Variants in ATL2 observed in about 807,000 individuals in gnomAD.
The protein encoded by ATL2 is atlastin GTPase 2.
In ATL2, 31 loss-of-function variants were observed where a neutral mutation model predicts 73.9. That is an observed-to-expected ratio of 0.42 (90% CI 0.32 to 0.57). The LOEUF (loss-of-function observed/expected upper bound fraction) is 0.57. ATL2 is among the 20% of genes least tolerant of loss of function. The probability of loss-of-function intolerance (pLI) is 0.14; values close to 1 mark genes in which losing one functional copy is unlikely to be tolerated. For synonymous variants in ATL2, 291 were observed against 237.5 expected (o/e 1.23, Z -2.07); for missense variants, 738 against 702.6 (o/e 1.05, Z -0.57).
intron 2 of ATL2, among the ~76,000 whole-genome samples, chr2:38,339,971 G>A (rs984270495): frequency 2.6e-5 from 4 of 152,120 alleles, no homozygotes; most frequent in Admixed American, 1.3e-4. Context: ...GATTACAGGC[G>A]TGAGCCCCAA....
At chr2:38,372,412 A>G (rs1469371735) in intron 1 of ATL2, among the ~76,000 whole-genome samples, 2 of 152,204 alleles carry the variant, frequency 1.3e-5, no homozygotes, top group African/African-American at 4.8e-5. Flanking sequence ...GGATGCACAT[A>G]GGTTATATGC....
chr2:38,376,237 G>A (rs1162574213), intron 1 of ATL2: 2 of 1,460,064 alleles, frequency 1.4e-6, no homozygotes, highest in Non-Finnish European at 9.1e-7. Context: ...GAGATCAAAC[G>A]CTAAACTCCT....
At chr2:38,333,073 A>G (rs1157340791) in intron 2 of ATL2, among the ~76,000 whole-genome samples, 1 of 152,144 alleles carries the variant, frequency 6.6e-6, no homozygotes, top group Non-Finnish European at 1.5e-5. Flanking sequence ...ACTAAAATTT[A>G]TAAGCTGGGC....
intron 1 of ATL2, among the ~76,000 whole-genome samples, chr2:38,374,188 A>T (rs572277098): frequency 6.6e-6 from 1 of 152,302 alleles, no homozygotes; most frequent in African/African-American, 2.4e-5. Flanking sequence ...CACCGCACTC[A>T]GCCTGCTATC....
At chr2:38,377,741 T>C (rs78357015), upstream of ATL2, among the ~76,000 whole-genome samples, 949 of 141,836 alleles carry the variant, frequency 6.7e-3, 9 homozygotes, top group East Asian at 0.053. Context: ...CATCGCCCCC[T>C]CCTCATCACA....
At chr2:38,317,932 T>C (rs1289972835) in intron 4 of ATL2, among the ~76,000 whole-genome samples, 2 of 152,042 alleles carry the variant, frequency 1.3e-5, no homozygotes, top group African/African-American at 4.8e-5. Context: ...GAAATGTAAA[T>C]AACCAATAAG....
chr2:38,300,189 A>G, intron 10 of ATL2, 83 bp downstream of exon 10: 1 of 1,242,646 alleles, frequency 8.0e-7, no homozygotes, highest in Admixed American at 1.9e-5. Context: ...CCCCATTTTC[A>G]GCATTTCTCT....
intron 1 of ATL2, among the ~76,000 whole-genome samples, chr2:38,347,317 T>G (rs1670081319): frequency 6.6e-6 from 1 of 152,192 alleles, no homozygotes; most frequent in South Asian, 2.1e-4. Flanking sequence ...CTTCTTGCTG[T>G]TCCCTGATGA....
chr2:38,376,103 TGGCC>T, intron 1 of ATL2: 1 of 1,499,536 alleles, frequency 6.7e-7, no homozygotes, highest in South Asian at 1.3e-5. Flanking sequence ...ACTCTTATCT[TGGCC>T]GTACTTACCA....
chr2:38,363,155 G>A (rs141947041), intron 1 of ATL2, among the ~76,000 whole-genome samples: 14 of 152,104 alleles, frequency 9.2e-5, no homozygotes, highest in African/African-American at 3.4e-4. Context: ...AGCAATCTGC[G>A]AGGATACACA....
chr2:38,344,045 G>T (rs1293048037), intron 1 of ATL2, among the ~76,000 whole-genome samples: 1 of 151,958 alleles, frequency 6.6e-6, no homozygotes, highest in Non-Finnish European at 1.5e-5. Flanking sequence ...CATGAAAATG[G>T]ACTCATACAC....
rs553607521 is a variant in ATL2, at chr2:38,344,898, C to T, written c.119-1386G>A. On this transcript the variant is annotated intron_variant, in intron 1 of 12. Transcript: ENST00000378954. ...AGCTCCCGAAAACAGCCATATAAAC[C>T]CTTCCTTTGTTCACCACAACACATT... Among the ~76,000 whole-genome samples the T allele has an allele frequency of 1.2e-4, 18 of 152,240 alleles. 1 individual carries two copies. The South Asian group carries it at 3.7e-3, about 32-fold the overall frequency.
At chr2:38,306,642 A>T (rs1267612664) in intron 9 of ATL2, among the ~76,000 whole-genome samples, 6 of 152,246 alleles carry the variant, frequency 3.9e-5, no homozygotes, top group African/African-American at 1.4e-4. Flanking sequence ...AGAATGAAGA[A>T]CAAAAACCAT....
intron 1 of ATL2, among the ~76,000 whole-genome samples, chr2:38,363,481 C>T (rs1252779443): frequency 1.3e-5 from 2 of 152,042 alleles, no homozygotes; most frequent in South Asian, 2.1e-4. Context: ...TTTACACAGT[C>T]TCCCAATATT....
intron 9 of ATL2, among the ~76,000 whole-genome samples, chr2:38,301,628 G>A (rs1425955358): frequency 6.6e-6 from 1 of 152,210 alleles, no homozygotes; most frequent in African/African-American, 2.4e-5. Context: ...GCGCTGCCCT[G>A]CCACAGTGGA....
At chr2:38,375,989 G>T in intron 1 of ATL2, 1 of 1,202,396 alleles carries the variant, frequency 8.3e-7, no homozygotes, top group Non-Finnish European at 1.1e-6. Flanking sequence ...AGTCCTTGTG[G>T]TTAACATCAT....
rs1306759897 is a variant in ATL2 at position 38,294,157 on chromosome 2, AC to A, written c.*1836del. 6.6e-6 allele frequency among the ~76,000 whole-genome samples: 1 copy of A among 152,246 alleles called. No homozygotes were observed. The highest frequency in any genetic ancestry group is 1.5e-5 in the Non-Finnish European group (1 of 68,034). On this transcript the variant is annotated 3_prime_UTR_variant, in exon 13 of 13. Transcript: ENST00000378954. ...GAAAACAAATACAATCCATATAAAA[AC>A]AGAATCTGAATGGGAGTGGGAGCGA...
rs180812427 is a variant in ATL2 at position 38,337,433 on chromosome 2, C to G, written c.363+5835G>C. ...CCCAGGAGGCAGAGGTTGCAGTGAG[C>G]TGAGATCACATCACTGCACTCCAAC... On this transcript the variant is annotated intron_variant, in intron 2 of 12. Transcript: ENST00000378954. Among the ~76,000 whole-genome samples, 12 of 120,470 alleles carry G rather than the reference C, an allele frequency of 1.0e-4. No individual in the cohort carries two copies. In the East Asian group the frequency reaches 3.4e-3, roughly 34 times the overall value. The allele number at this position is 120,470 out of a possible 152,430, so 79.0% of individuals were successfully genotyped here. A position where few individuals can be genotyped will look rare whatever the true frequency, so the allele number is the denominator to read the frequency against.
At chr2:38,378,031 A>ATGAAC (rs1672084228), upstream of ATL2, among the ~76,000 whole-genome samples, 1 of 152,208 alleles carries the variant, frequency 6.6e-6, no homozygotes, top group Non-Finnish European at 1.5e-5. Context: ...CCTAATTGTG[A>ATGAAC]TGAACCTTCT....
Sources: gnomAD v4.1 joint callset for allele counts (sites outside exome capture counted in the v4.1 genomes callset) on GRCh38, gnomAD v4.1.1 for gene constraint, MANE v1.5 for transcripts, NCBI Gene and HGNC (gene_info 2026-07-23, HGNC 2026-07-21) for gene names.